The following GRM8 variants were observed in gnomAD, a reference collection of about 807,000 sequenced individuals.
GRM8 encodes glutamate metabotropic receptor 8.
A neutral mutation model predicts 87.2 loss-of-function variants in GRM8; 47 were observed. The ratio of observed to expected loss-of-function variants is 0.54; its 90% CI spans 0.43 to 0.69. GRM8 has a LOEUF of 0.69. Ranked by LOEUF, GRM8 falls within the 30% of genes least tolerant of loss-of-function variation. GRM8 has a pLI of 0.00. For missense variants in GRM8, 1,019 were observed against 1,139.2 expected (o/e 0.89, Z 1.52); for synonymous variants, 396 against 404.5 (o/e 0.98, Z 0.25).
rs780417604 is a variant in GRM8, at chr7:126,439,115, T to C, written c.*4A>G. On this transcript the variant is annotated 3_prime_UTR_variant, in exon 11 of 11. Transcript: ENST00000339582. Reference sequence around the variant, plus strand: ...ATCTCTTCAGATTGTGCCATTTCCCTGTTTCAGATTGAATGATTGCTGTAA... The same window carrying C: ...ATCTCTTCAGATTGTGCCATTTCCCCGTTTCAGATTGAATGATTGCTGTAA... 8.4e-6 allele frequency: 13 copies of C among 1,553,316 alleles called. No homozygotes were observed. The highest frequency in any genetic ancestry group is 1.2e-5 in the Non-Finnish European group (13 of 1,124,934).
chr7:127,247,734 G>A (rs895170873), intron 1 of GRM8, among the ~76,000 whole-genome samples: 18 of 152,128 alleles, frequency 1.2e-4, no homozygotes, highest in African/African-American at 4.1e-4. Flanking sequence ...TGTGAAACGA[G>A]TGAGATGGAC....
chr7:126,584,535 C>T (rs1391377911), intron 8 of GRM8, among the ~76,000 whole-genome samples: 1 of 152,142 alleles, frequency 6.6e-6, no homozygotes, highest in Non-Finnish European at 1.5e-5. Context: ...TTTTAGATGG[C>T]ACAGCAGAAA....
At chr7:126,953,120 T>C (rs931362410) in intron 3 of GRM8, among the ~76,000 whole-genome samples, 7 of 152,118 alleles carry the variant, frequency 4.6e-5, no homozygotes, top group African/African-American at 7.2e-5. Context: ...AGAAAAGGTA[T>C]TGCCTTTACT....
At chr7:126,832,888 G>T (rs1006571384) in intron 6 of GRM8, among the ~76,000 whole-genome samples, 1 of 152,168 alleles carries the variant, frequency 6.6e-6, no homozygotes, top group Non-Finnish European at 1.5e-5. Context: ...ACTGCCATTT[G>T]TTAACATGCT....
At chr7:127,216,290 G>A (rs998896017) in intron 2 of GRM8, among the ~76,000 whole-genome samples, 3 of 151,748 alleles carry the variant, frequency 2.0e-5, no homozygotes, top group Admixed American at 6.6e-5. Flanking sequence ...AGGCCGAGGC[G>A]GGAGGATCAC....
intron 8 of GRM8, among the ~76,000 whole-genome samples, chr7:126,570,121 T>A (rs1239073474): frequency 6.6e-6 from 1 of 152,226 alleles, no homozygotes; most frequent in East Asian, 1.9e-4. Flanking sequence ...ACTTGATATT[T>A]TCTTTTGTTG....
At chr7:126,817,448 C>T (rs887719076) in intron 6 of GRM8, among the ~76,000 whole-genome samples, 1 of 151,996 alleles carries the variant, frequency 6.6e-6, no homozygotes, top group Non-Finnish European at 1.5e-5. Flanking sequence ...CATAAATATC[C>T]ATTTAAATAT....
At chr7:127,020,581 T>C (rs1816164027) in intron 3 of GRM8, among the ~76,000 whole-genome samples, 1 of 152,070 alleles carries the variant, frequency 6.6e-6, no homozygotes, top group South Asian at 2.1e-4. Context: ...GATAAAACAG[T>C]AGCCACAATC....
intron 3 of GRM8, among the ~76,000 whole-genome samples, chr7:126,976,414 T>C (rs570181757): frequency 5.3e-5 from 8 of 152,096 alleles, no homozygotes; most frequent in Non-Finnish European, 7.4e-5. Context: ...GCTAATATGG[T>C]GAAACCCGTC....
chr7:127,008,047 A>G (rs1814492565), intron 3 of GRM8, among the ~76,000 whole-genome samples: 1 of 152,024 alleles, frequency 6.6e-6, no homozygotes. Flanking sequence ...CTTTCATACG[A>G]AAGTGTAAAA....
chr7:127,029,356 G>A (rs866689711), intron 3 of GRM8, among the ~76,000 whole-genome samples: 1 of 152,154 alleles, frequency 6.6e-6, no homozygotes, highest in African/African-American at 2.4e-5. Flanking sequence ...GGTCTGCTTG[G>A]CGCAGAGCTG....
chr7:126,841,033 G>A (rs905136524), intron 6 of GRM8, among the ~76,000 whole-genome samples: 1 of 152,212 alleles, frequency 6.6e-6, no homozygotes, highest in African/African-American at 2.4e-5. Flanking sequence ...TTGGCAGTAT[G>A]CCAGCTTTAA....
intron 9 of GRM8, among the ~76,000 whole-genome samples, chr7:126,522,561 G>A (rs1813147512): frequency 6.6e-6 from 1 of 152,114 alleles, no homozygotes; most frequent in South Asian, 2.1e-4. Context: ...TGGAAAAGGT[G>A]TGTTATTAAC....
chr7:126,472,562 AG>A (rs1465232199), intron 9 of GRM8, among the ~76,000 whole-genome samples: 2 of 152,192 alleles, frequency 1.3e-5, no homozygotes, highest in Non-Finnish European at 2.9e-5. Context: ...AGAGCATAAA[AG>A]TTTGAAAAAT....
At chr7:126,988,065 C>T (rs536636801) in intron 3 of GRM8, among the ~76,000 whole-genome samples, 1 of 136,726 alleles carries the variant, frequency 7.3e-6, no homozygotes, top group Admixed American at 7.2e-5. Flanking sequence ...GACACTAAAG[C>T]TCTTCGTTTA....
chr7:126,584,735 C>T (rs948775637), intron 8 of GRM8, among the ~76,000 whole-genome samples: 3 of 152,038 alleles, frequency 2.0e-5, no homozygotes, highest in Admixed American at 6.6e-5. Context: ...TAACGTTTGT[C>T]GTTTCCGCTT....
chr7:127,240,585 A>T lies in GRM8; in HGVS notation c.510+2110T>A, dbSNP rs535915681. Among the ~76,000 whole-genome samples, 9 of 152,278 alleles carry T rather than the reference A, an allele frequency of 5.9e-5. No individual in the cohort carries two copies. The East Asian group carries it at 1.7e-3, about 29-fold the overall frequency. ...TACAATGGTATTGACAGGAACCCGAATTGGTTTATAAGGAGAGGGAAACCA... is the reference window on the plus strand; with the variant it reads ...TACAATGGTATTGACAGGAACCCGATTTGGTTTATAAGGAGAGGGAAACCA... On this transcript the variant is annotated intron_variant, in intron 2 of 10. Transcript: ENST00000339582.
intron 3 of GRM8, among the ~76,000 whole-genome samples, chr7:127,018,893 C>T (rs1204577016): frequency 1.3e-5 from 2 of 151,924 alleles, no homozygotes; most frequent in Non-Finnish European, 2.9e-5. Context: ...ATCCTGGAGC[C>T]ACTGCATCAG....
rs369933871 is a variant in GRM8, at chr7:126,825,242, AT to A, written c.1157-55178del. Among the ~76,000 whole-genome samples, 866 of 152,134 alleles carry A rather than the reference AT, an allele frequency of 5.7e-3. 11 individuals are homozygous for A. The highest frequency in any genetic ancestry group is 0.02 in the African/African-American group (845 of 41,504). ...CCACCATGCCTGGCTAATTTGTTGT[AT>A]TTTTAGTAGAGACAGGGTTTCACCA... On this transcript the variant is annotated intron_variant, in intron 6 of 10. Transcript: ENST00000339582.
Sources: gnomAD v4.1 joint callset for allele counts (sites outside exome capture counted in the v4.1 genomes callset) on GRCh38, gnomAD v4.1.1 for gene constraint, MANE v1.5 for transcripts, NCBI Gene and HGNC (gene_info 2026-07-23, HGNC 2026-07-21) for gene names.